The following BRINP2 variants were observed in gnomAD, a reference collection of about 807,000 sequenced individuals.
The protein encoded by BRINP2 is BMP/retinoic acid-inducible neural-specific protein 2.
In BRINP2, 21 loss-of-function variants were observed where a neutral mutation model predicts 69.2. The ratio of observed to expected loss-of-function variants is 0.30; its 90% CI spans 0.22 to 0.44. The LOEUF (loss-of-function observed/expected upper bound fraction) is 0.44. BRINP2 is among the 20% of genes least tolerant of loss of function. The pLI, the probability that BRINP2 is intolerant of heterozygous loss-of-function variation, is 1.00. For missense variants in BRINP2, 877 were observed against 986.0 expected (o/e 0.89, Z 1.48); for synonymous variants, 380 against 394.1 (o/e 0.96, Z 0.42).
chr1:177,185,185 C>T (rs774301935), intron 1 of BRINP2, among the ~76,000 whole-genome samples: 1 of 151,972 alleles, frequency 6.6e-6, no homozygotes, highest in Non-Finnish European at 1.5e-5. Context: ...GGAGAACGTG[C>T]CCTCCTTTCC....
At chr1:177,214,152 C>T (rs1051830196) in intron 1 of BRINP2, among the ~76,000 whole-genome samples, 1 of 152,168 alleles carries the variant, frequency 6.6e-6, no homozygotes, top group East Asian at 1.9e-4. Flanking sequence ...GAATTAAAGG[C>T]CGGGTGCGGT....
chr1:177,217,440 A>C (rs1193098506), intron 1 of BRINP2, among the ~76,000 whole-genome samples: 1 of 152,186 alleles, frequency 6.6e-6, no homozygotes, highest in African/African-American at 2.4e-5. Context: ...ATCTTCTTGA[A>C]GTTTACTAAA....
intron 1 of BRINP2, among the ~76,000 whole-genome samples, chr1:177,224,500 C>A (rs905721610): frequency 6.6e-6 from 1 of 152,084 alleles, no homozygotes; most frequent in African/African-American, 2.4e-5. Context: ...GATCACCTGA[C>A]CTCATAAATC....
At chr1:177,220,300 G>A (rs1649487013) in intron 1 of BRINP2, among the ~76,000 whole-genome samples, 1 of 152,134 alleles carries the variant, frequency 6.6e-6, no homozygotes, top group African/African-American at 2.4e-5. Context: ...AATCCCCATT[G>A]TAGGTAGGGT....
At chr1:177,205,432 C>T (rs1649045016) in intron 1 of BRINP2, among the ~76,000 whole-genome samples, 1 of 152,234 alleles carries the variant, frequency 6.6e-6, no homozygotes, top group African/African-American at 2.4e-5. Context: ...CCGTGAGCCA[C>T]TGTGCCTGGC....
intron 1 of BRINP2, among the ~76,000 whole-genome samples, chr1:177,194,215 C>A (rs951160134): frequency 6.6e-6 from 1 of 152,148 alleles, no homozygotes; most frequent in Admixed American, 6.5e-5. Flanking sequence ...TTTTTGTTTT[C>A]TGTTTTTCTC....
intron 2 of BRINP2, among the ~76,000 whole-genome samples, chr1:177,253,012 G>C (rs550708628): frequency 6.6e-6 from 1 of 152,046 alleles, no homozygotes; most frequent in East Asian, 1.9e-4. Context: ...TAAACATGAG[G>C]GTGCAGATAT....
At chr1:177,276,895 T>G (rs1286145606) in intron 6 of BRINP2, among the ~76,000 whole-genome samples, 1 of 151,964 alleles carries the variant, frequency 6.6e-6, no homozygotes, top group East Asian at 1.9e-4. Flanking sequence ...AGAGAACTGG[T>G]TTTGCATCCT....
chr1:177,249,054 G>A (rs1358164161), intron 2 of BRINP2, among the ~76,000 whole-genome samples: 1 of 152,098 alleles, frequency 6.6e-6, no homozygotes, highest in Non-Finnish European at 1.5e-5. Context: ...TGGACCACTA[G>A]TGTTATGCAA....
intron 7 of BRINP2, 97 bp from the exon 8 acceptor site, chr1:177,280,315 C>A: frequency 8.0e-7 from 1 of 1,249,300 alleles, no homozygotes; most frequent in Non-Finnish European, 1.1e-6. Flanking sequence ...TCCTCATTGC[C>A]TTCCACGCCT....
At chr1:177,269,825 G>A (rs1651248009) in intron 4 of BRINP2, among the ~76,000 whole-genome samples, 1 of 152,156 alleles carries the variant, frequency 6.6e-6, no homozygotes, top group Non-Finnish European at 1.5e-5. Flanking sequence ...ATGAACCTGA[G>A]ATCCATCAGG....
At chr1:177,193,747 G>A (rs1434667135) in intron 1 of BRINP2, among the ~76,000 whole-genome samples, 1 of 152,180 alleles carries the variant, frequency 6.6e-6, no homozygotes, top group Non-Finnish European at 1.5e-5. Context: ...GGTCTTTACA[G>A]CAGACACTGT....
At chr1:177,190,030 T>C (rs1489633171) in intron 1 of BRINP2, among the ~76,000 whole-genome samples, 1 of 152,156 alleles carries the variant, frequency 6.6e-6, no homozygotes, top group East Asian at 1.9e-4. Flanking sequence ...CTCATTGTCC[T>C]CCTTTCTGGA....
At chr1:177,233,507 T>A (rs982905157) in intron 2 of BRINP2, among the ~76,000 whole-genome samples, 1 of 152,216 alleles carries the variant, frequency 6.6e-6, no homozygotes, top group African/African-American at 2.4e-5. Context: ...GGAAGGATAA[T>A]GAGATAAGAA....
At chr1:177,193,805 CA>C (rs1276735574) in intron 1 of BRINP2, among the ~76,000 whole-genome samples, 1 of 152,146 alleles carries the variant, frequency 6.6e-6, no homozygotes, top group African/African-American at 2.4e-5. Flanking sequence ...TTTCCCATCA[CA>C]TGGTGAAACT....
chr1:177,179,124 T>C (rs183865452), intron 1 of BRINP2, among the ~76,000 whole-genome samples: 5 of 152,094 alleles, frequency 3.3e-5, no homozygotes, highest in African/African-American at 1.2e-4. Flanking sequence ...CGAGTCCACA[T>C]TCTTTATTAC....
At chr1:177,236,568 G>T (rs2102330084) in intron 2 of BRINP2, among the ~76,000 whole-genome samples, 1 of 152,306 alleles carries the variant, frequency 6.6e-6, no homozygotes, top group Admixed American at 6.5e-5. Context: ...AAGGTTGACA[G>T]GGTTCTTGAT....
intron 1 of BRINP2, among the ~76,000 whole-genome samples, chr1:177,179,788 G>A (rs1648194999): frequency 6.6e-6 from 1 of 152,164 alleles, no homozygotes; most frequent in Non-Finnish European, 1.5e-5. Context: ...AAGTGAATTG[G>A]ACTGGAGGGA....
Position 177,259,144 on chromosome 1 carries a change from G to A in BRINP2, c.669+1760G>A, listed in dbSNP as rs367660567. Among the ~76,000 whole-genome samples the A allele has an allele frequency of 5.9e-5, 9 of 152,242 alleles. No individual in the cohort carries two copies. In the East Asian group the frequency reaches 1.2e-3, roughly 20 times the overall value. ...TGAAAGACATTAAAAGTGCTAGTCC[G>A]GTGAATACAAGAATGATAAAAAAGC... On this transcript the variant is annotated intron_variant, in intron 4 of 7. Transcript: ENST00000361539.
Sources: gnomAD v4.1 joint callset for allele counts (sites outside exome capture counted in the v4.1 genomes callset) on GRCh38, gnomAD v4.1.1 for gene constraint, MANE v1.5 for transcripts, NCBI Gene and HGNC (gene_info 2026-07-23, HGNC 2026-07-21) for gene names.